Variants in COG5 observed in about 807,000 individuals in gnomAD.
COG5 encodes the protein conserved oligomeric Golgi complex subunit 5.
In COG5, 86 loss-of-function variants were observed where a neutral mutation model predicts 110.4. The ratio of observed to expected loss-of-function variants is 0.78; its 90% confidence interval spans 0.65 to 0.93. The LOEUF (loss-of-function observed/expected upper bound fraction) is 0.93. COG5 is among the 40% of genes least tolerant of loss of function. The probability of loss-of-function intolerance (pLI) is 0.00; values close to 1 mark genes in which losing one functional copy is unlikely to be tolerated. For synonymous variants in COG5, 360 were observed against 334.6 expected, an observed-to-expected ratio of 1.08 and a Z score of -0.83; for missense variants, 1,077 against 987.0, an observed-to-expected ratio of 1.09 and a Z score of -1.22.
Position 107,415,946 on chromosome 7 carries a change from ATGTATGTG to A in COG5, c.539-3322_539-3315del, listed in dbSNP as rs1217209970. Among the ~76,000 whole-genome samples, 128 of 116,582 alleles carry A rather than the reference ATGTATGTG, an allele frequency of 1.1e-3. 16 individuals are homozygous for A. Among genetic ancestry groups the A allele is most frequent in the African/African-American group, 4.6e-3 (126 of 27,470 alleles). 76.5% of individuals were successfully genotyped at this position (116,582 alleles called of 152,430 possible). A position where few individuals can be genotyped will look rare whatever the true frequency, so the allele number is the denominator to read the frequency against. On this transcript the variant is annotated intron_variant, in intron 6 of 21. Transcript: ENST00000297135. ...TATATACACACACATACACGTATGT[ATGTATGTG>A]TGTGTATATACACACACATACACGT... is the stretch of plus-strand genomic sequence containing the variant.
At chr7:107,398,251 T>C (rs1037791246) in intron 7 of COG5, among the ~76,000 whole-genome samples, 2 of 152,310 alleles carry the variant, frequency 1.3e-5, no homozygotes, top group African/African-American at 4.8e-5. Flanking sequence ...TATATATCCA[T>C]AGAACTGAAT....
chr7:107,347,231 C>G (rs1299147584), intron 10 of COG5, among the ~76,000 whole-genome samples: 2 of 152,096 alleles, frequency 1.3e-5, no homozygotes, highest in Admixed American at 1.3e-4. Flanking sequence ...TGATCCTAAT[C>G]AGGAAAAAAC....
At chr7:107,283,333 G>A (rs1439646093) in intron 13 of COG5, among the ~76,000 whole-genome samples, 2 of 152,074 alleles carry the variant, frequency 1.3e-5, no homozygotes, top group Non-Finnish European at 2.9e-5. Context: ...TCCTTGGCAA[G>A]ATATAGAATA....
chr7:107,473,556 T>C (rs1030211538), intron 6 of COG5, among the ~76,000 whole-genome samples: 1 of 151,978 alleles, frequency 6.6e-6, no homozygotes, highest in Admixed American at 6.6e-5. Context: ...TTTGTCATTT[T>C]AAATGAACAC....
At chr7:107,243,735 G>A (rs1020484670) in intron 17 of COG5, among the ~76,000 whole-genome samples, 3 of 106,048 alleles carry the variant, frequency 2.8e-5, no homozygotes, top group Non-Finnish European at 4.8e-5. Flanking sequence ...TCATCACCAC[G>A]TCACATACAC....
At chr7:107,454,813 A>G (rs1043435482) in intron 6 of COG5, among the ~76,000 whole-genome samples, 1 of 152,106 alleles carries the variant, frequency 6.6e-6, no homozygotes, top group Non-Finnish European at 1.5e-5. Context: ...ATGTGCCTAG[A>G]TCTAGTCTGA....
At chr7:107,372,360 G>A (rs1463848005) in intron 8 of COG5, among the ~76,000 whole-genome samples, 2 of 151,964 alleles carry the variant, frequency 1.3e-5, no homozygotes, top group South Asian at 2.1e-4. Flanking sequence ...ACCAAATGAC[G>A]CTACAGTTTA....
At chr7:107,400,199 A>C (rs1368445133) in intron 7 of COG5, among the ~76,000 whole-genome samples, 1 of 152,224 alleles carries the variant, frequency 6.6e-6, no homozygotes, top group Non-Finnish European at 1.5e-5. Context: ...AGATACTTCC[A>C]TAAGTAATGA....
Position 107,348,000 on chromosome 7 carries a change from C to A in COG5, c.1026+14033G>T, listed in dbSNP as rs148304441. ...AAATAGCTAGGGGTGGTGGCACACA[C>A]CTGTAGTCCCAGCTACTCAGGAGGC... On this transcript the variant is annotated intron_variant, in intron 10 of 21. Coordinates refer to ENST00000297135, the MANE Select transcript of COG5 (RefSeq NM_006348.5). Among the ~76,000 whole-genome samples, 1,087 of 151,652 alleles carry A rather than the reference C, an allele frequency of 7.2e-3. 13 individuals carry two copies. The highest frequency in any genetic ancestry group is 0.024 in the African/African-American group (1,011 of 41,304).
chr7:107,402,138 C>T (rs1791481966), intron 7 of COG5, among the ~76,000 whole-genome samples: 1 of 152,130 alleles, frequency 6.6e-6, no homozygotes, highest in African/African-American at 2.4e-5. Flanking sequence ...AGGTCTAGGT[C>T]TAGGTTCTCT....
chr7:107,450,362 G>C (rs1795260426), intron 6 of COG5: 1 of 152,244 alleles, frequency 6.6e-6, no homozygotes, highest in Non-Finnish European at 1.5e-5. Context: ...AAGGCCAGTA[G>C]AAGCTCTATC....
intron 3 of COG5, 47 bp downstream of exon 3, chr7:107,554,238 T>A: frequency 6.4e-7 from 1 of 1,558,392 alleles, no homozygotes; most frequent in Non-Finnish European, 8.9e-7. Context: ...AGCTTGCCAA[T>A]CCCTGGTCTA....
At chr7:107,526,597 T>G (rs190764123) in intron 6 of COG5, among the ~76,000 whole-genome samples, 70 of 152,336 alleles carry the variant, frequency 4.6e-4, no homozygotes, top group Non-Finnish European at 1.2e-4. Flanking sequence ...CATAAAGAAC[T>G]GTACACCTAT....
At chr7:107,527,399 T>C (rs775583433) in intron 5 of COG5, 42 bp from the exon 6 acceptor site, 2 of 1,606,600 alleles carry the variant, frequency 1.2e-6, no homozygotes. Context: ...ATCCATGAAG[T>C]TTTATTACTA....
chr7:107,545,779 CAAAAAAAAAAAAAA>C (rs59515448), intron 5 of COG5, among the ~76,000 whole-genome samples: 1 of 69,852 alleles, frequency 1.4e-5, no homozygotes, highest in Non-Finnish European at 2.6e-5. Context: ...GACTCCATCT[CAAAAAAAAAAAAAA>C]AAAAAAGAAA....
At chr7:107,282,792 C>T (rs1386864381) in intron 13 of COG5, among the ~76,000 whole-genome samples, 1 of 152,150 alleles carries the variant, frequency 6.6e-6, no homozygotes, top group Non-Finnish European at 1.5e-5. Context: ...GGATTACAGG[C>T]GTGAGCCACC....
chr7:107,456,386 G>T (rs1795671165), intron 6 of COG5, among the ~76,000 whole-genome samples: 1 of 152,078 alleles, frequency 6.6e-6, no homozygotes. Context: ...CTAGAAAATG[G>T]GGCAGAATTT....
At chr7:107,286,726 C>T (rs1038810499) in intron 12 of COG5, among the ~76,000 whole-genome samples, 2 of 152,154 alleles carry the variant, frequency 1.3e-5, no homozygotes, top group African/African-American at 4.8e-5. Flanking sequence ...TTTTTTCCCT[C>T]TTACAACTTC....
chr7:107,282,538 T>C (rs965441060), intron 13 of COG5, among the ~76,000 whole-genome samples: 1 of 152,204 alleles, frequency 6.6e-6, no homozygotes, highest in African/African-American at 2.4e-5. Flanking sequence ...TTTTTATTTT[T>C]TGAGACAGGG....
Sources: gnomAD v4.1 joint callset for allele counts (sites outside exome capture counted in the v4.1 genomes callset) on GRCh38, gnomAD v4.1.1 for gene constraint, MANE v1.5 for transcripts, NCBI Gene and HGNC (gene_info 2026-07-23, HGNC 2026-07-21) for gene names.